Variants in AGBL2 observed in about 807,000 individuals in gnomAD.
AGBL2 encodes the protein AGBL carboxypeptidase 2.
In AGBL2, 87 loss-of-function variants were observed where a neutral mutation model predicts 103.0. That is an observed-to-expected ratio of 0.84 (90% confidence interval 0.71 to 1.01). The LOEUF is 1.01. Among genes scored for constraint, AGBL2 ranks in the 50% least tolerant of loss-of-function variants. The pLI is 0.00. For synonymous variants in AGBL2, 335 were observed against 356.7 expected, an observed-to-expected ratio of 0.94 and a Z score of 0.69; for missense variants, 904 against 1,023.5, an observed-to-expected ratio of 0.88 and a Z score of 1.59.
At position 47,690,672 on chromosome 11, in the gene AGBL2, A is replaced by G; in HGVS notation, c.1035T>C (p.Asp345=). The G allele has an allele frequency of 6.2e-7, 1 of 1,614,156 alleles. No homozygotes were observed. Among genetic ancestry groups the G allele is most frequent in the Non-Finnish European group, 8.5e-7 (1 of 1,180,028 alleles). The part of the protein sequence containing the change: ...GMKPLLYSQL[D]ANTRNIGWRR... ...TCCAGCCAATATTGCGGGTGTTGGC[A>G]TCCAATTGGGAGTACAAGAGTGGCT... is the stretch of plus-strand genomic sequence containing the variant. The change falls in exon 10 of 19, where the codon GAT becomes GAC. Residue 345 remains aspartate (D), a synonymous_variant. Coordinates refer to ENST00000525123, the MANE Select transcript of AGBL2 (RefSeq NM_024783.4).
chr11:47,672,847 T>C (rs2097361597), intron 14 of AGBL2, among the ~76,000 whole-genome samples: 1 of 152,176 alleles, frequency 6.6e-6, no homozygotes, highest in Non-Finnish European at 1.5e-5. Flanking sequence ...TTTTCCACTG[T>C]CCACCACAGA....
At chr11:47,660,410 A>C (rs1241477388) in intron 18 of AGBL2, 64 bp from the exon 19 acceptor site, 3 of 1,508,102 alleles carry the variant, frequency 2.0e-6, no homozygotes. Context: ...ATATGTAGTT[A>C]GGGTTGGGGT....
chr11:47,697,765 C>T (rs2097481666), intron 8 of AGBL2, among the ~76,000 whole-genome samples: 1 of 151,332 alleles, frequency 6.6e-6, no homozygotes, highest in African/African-American at 2.4e-5. Context: ...CCAGGATGGT[C>T]TCAATTTCCT....
intron 13 of AGBL2, 118 bp from the exon 14 acceptor site, chr11:47,677,519 T>C: frequency 1.8e-6 from 1 of 569,788 alleles, no homozygotes. Flanking sequence ...AATGGCACTA[T>C]CTTGGCTCAC....
intron 10 of AGBL2, among the ~76,000 whole-genome samples, chr11:47,687,224 A>G (rs1188944015): frequency 6.6e-6 from 1 of 151,878 alleles, no homozygotes; most frequent in African/African-American, 2.4e-5. Context: ...TGCCTGGTGC[A>G]CACAGGTAAT....
chr11:47,669,288 G>A (rs543978467), intron 14 of AGBL2, among the ~76,000 whole-genome samples: 13 of 152,158 alleles, frequency 8.5e-5, no homozygotes, highest in Non-Finnish European at 1.9e-4. Flanking sequence ...GGCTAGTCTT[G>A]AACTTTTGTG....
intron 13 of AGBL2, among the ~76,000 whole-genome samples, chr11:47,678,952 A>G (rs2153803487): frequency 6.7e-6 from 1 of 148,450 alleles, no homozygotes; most frequent in East Asian, 2.1e-4. Flanking sequence ...CCAGCTACTC[A>G]GTAGACTGAG....
intron 17 of AGBL2, among the ~76,000 whole-genome samples, chr11:47,664,883 T>A (rs60183552): frequency 4.4e-5 from 6 of 137,048 alleles, no homozygotes; most frequent in African/African-American, 1.4e-4. Flanking sequence ...CACCTTTTTT[T>A]TTTTTTTTTT....
At chr11:47,662,212 C>T (rs935979066) in intron 18 of AGBL2, among the ~76,000 whole-genome samples, 7 of 152,080 alleles carry the variant, frequency 4.6e-5, no homozygotes, top group Admixed American at 6.6e-5. Flanking sequence ...CTCACTCTGT[C>T]ACCCAGGCTG....
Position 47,668,907 on chromosome 11 carries a change from G to A in AGBL2, c.2148C>T (p.Ser716=). ...SDISLSDIES[S]TSGSDSSLSD... ...AGAGAGAACTGTCAGAGCCACTGGT[G>A]CTGTTTCCAAAAGAAAAAAAGAAGA... The change falls in exon 15 of 19, where the codon AGC becomes AGT. Residue 716 remains serine (S), a splice_region_variant and synonymous_variant. Coordinates refer to ENST00000525123, the MANE Select transcript of AGBL2 (RefSeq NM_024783.4). 1 of 1,611,372 alleles carries A rather than the reference G, an allele frequency of 6.2e-7. No homozygotes were observed. Among genetic ancestry groups the A allele is most frequent in the East Asian group, 2.2e-5 (1 of 44,826 alleles).
rs1158163126 is a variant in AGBL2, at chr11:47,660,316, A to T, written c.2566T>A (p.Ser856Thr). 1 of 1,613,930 alleles carries T rather than the reference A, an allele frequency of 6.2e-7. No individual in the cohort carries two copies. The highest frequency in any genetic ancestry group is 1.1e-5 in the South Asian group (1 of 91,044). ...NKKPGFTVSC[S>T]PKRTINSSQE... ...CTGGAGTTTATGGTTCTCTTTGGAG[A>T]GCATGATACTGTAAAGCCTGGCTTC... Residue 856 changes from serine to threonine, a missense_variant, in exon 19 of 19, where the codon TCT becomes ACT. Ser to Thr is a moderately conservative substitution (Grantham distance 58, BLOSUM62 1). Coordinates refer to ENST00000525123, the MANE Select transcript of AGBL2 (RefSeq NM_024783.4).
chr11:47,676,645 C>T (rs2097375588), intron 14 of AGBL2, among the ~76,000 whole-genome samples: 1 of 151,988 alleles, frequency 6.6e-6, no homozygotes, highest in South Asian at 2.1e-4. Flanking sequence ...CGGTGAAACC[C>T]CATCTCTACT....
chr11:47,693,572 T>C (rs1051392991), intron 8 of AGBL2, among the ~76,000 whole-genome samples: 1 of 152,168 alleles, frequency 6.6e-6, no homozygotes, highest in African/African-American at 2.4e-5. Context: ...TCTGTTTTAG[T>C]GACCTATATG....
chr11:47,700,051 G>A (rs1247557159), intron 7 of AGBL2, among the ~76,000 whole-genome samples: 2 of 151,856 alleles, frequency 1.3e-5, no homozygotes, highest in African/African-American at 2.4e-5. Context: ...TCCGCCTCCC[G>A]GGTTCAAGCG....
intron 14 of AGBL2, among the ~76,000 whole-genome samples, chr11:47,671,017 T>G (rs2097355741): frequency 1.3e-5 from 2 of 151,842 alleles, no homozygotes. Flanking sequence ...GTTTGGATGC[T>G]CATCTAGACT....
intron 11 of AGBL2, among the ~76,000 whole-genome samples, chr11:47,683,025 A>G (rs1186986216): frequency 6.6e-6 from 1 of 152,080 alleles, no homozygotes; most frequent in East Asian, 1.9e-4. Flanking sequence ...AGAAAGAAAG[A>G]AAAAGAAGAA....
In AGBL2 at chr11:47,692,168, T is replaced by C. The variant is rs373154817; in HGVS notation, c.783A>G (p.Pro261=). ...ATTCAAACAGTAGAGTATTATCTTC[T>C]GGTCCTTGCAACGTGACAGCAAGTT... ...VKELAVTLQG[P]EDNTLLFESR... Residue 261 remains proline, a synonymous_variant, in exon 9 of 19, where the codon CCA becomes CCG. Transcript: ENST00000525123. 2 of 1,613,922 alleles carry C rather than the reference T, an allele frequency of 1.2e-6. No individual in the cohort carries two copies. Among genetic ancestry groups the C allele is most frequent in the Non-Finnish European group, 1.7e-6 (2 of 1,179,944 alleles).
chr11:47,691,130 G>A (rs949860422), intron 9 of AGBL2, among the ~76,000 whole-genome samples: 1 of 151,228 alleles, frequency 6.6e-6, no homozygotes, highest in Non-Finnish European at 1.5e-5. Context: ...CAGGTGTGGT[G>A]GCGGGTGCCT....
At position 47,677,394 on chromosome 11, in the gene AGBL2, T is replaced by C. The variant is rs780994871; in HGVS notation, c.2024A>G (p.Gln675Arg). 6.5e-7 allele frequency: 1 copy of C among 1,533,084 alleles called. No individual in the cohort carries two copies. Among genetic ancestry groups the C allele is most frequent in the East Asian group, 2.4e-5 (1 of 42,132 alleles). 95.0% of individuals were successfully genotyped at this position (1,533,084 alleles called of 1,614,324 possible). A position where few individuals can be genotyped will look rare whatever the true frequency, so the allele number is the denominator to read the frequency against. The change falls in exon 14 of 19, where the codon CAG becomes CGG. Residue 675 changes from glutamine to arginine, a missense_variant. Gln to Arg is a conservative substitution (Grantham distance 43). Coordinates refer to ENST00000525123, the MANE Select transcript of AGBL2 (RefSeq NM_024783.4). ...FCDPDQMKFTQCLAELKELLR... is the reference protein window; with the variant it reads ...FCDPDQMKFTRCLAELKELLR... ...AAGCTCCTTAAGCTCTGCTAGACACTGAGTGAACTATGAAAGTGAAAAAAA... is the reference window on the plus strand; with the variant it reads ...AAGCTCCTTAAGCTCTGCTAGACACCGAGTGAACTATGAAAGTGAAAAAAA...
Sources: allele counts gnomAD v4.1 joint callset (sites outside exome capture counted in the v4.1 genomes callset), GRCh38; gene constraint gnomAD v4.1.1; transcripts MANE v1.5; gene names NCBI Gene and HGNC (gene_info 2026-07-23, HGNC 2026-07-21).